DCSTAMP: variants seen among roughly 807,000 people sequenced by gnomAD.
The protein encoded by DCSTAMP is dendritic cell-specific transmembrane protein.
A neutral mutation model predicts 33.8 loss-of-function variants in DCSTAMP; 25 were observed. The observed-to-expected ratio is 0.74, with a 90% CI of 0.54 to 1.03. The LOEUF is 1.03. DCSTAMP is among the 50% of genes least tolerant of loss of function. The probability of loss-of-function intolerance (pLI) is 0.00; values close to 1 mark genes in which losing one functional copy is unlikely to be tolerated. For missense variants in DCSTAMP, 531 were observed against 556.8 expected, an observed-to-expected ratio of 0.95 and a Z score of 0.47; for synonymous variants, 245 against 216.7, an observed-to-expected ratio of 1.13 and a Z score of -1.15.
At chr8:104,344,808 A>G (rs1415269214) in intron 1 of DCSTAMP, among the ~76,000 whole-genome samples, 2 of 152,204 alleles carry the variant, frequency 1.3e-5, no homozygotes, top group Non-Finnish European at 2.9e-5. Context: ...AAAGAATTGA[A>G]ATATCTGAAG....
At chr8:104,355,724 G>A (rs1157437438) in intron 3 of DCSTAMP, among the ~76,000 whole-genome samples, 4 of 152,152 alleles carry the variant, frequency 2.6e-5, no homozygotes, top group African/African-American at 9.7e-5. Context: ...TTATTAATGA[G>A]GGAATGGTAA....
intron 2 of DCSTAMP, among the ~76,000 whole-genome samples, chr8:104,354,492 T>C (rs1810557871): frequency 1.3e-5 from 2 of 152,204 alleles, no homozygotes; most frequent in Non-Finnish European, 2.9e-5. Context: ...AAATGAGTTA[T>C]GTGATCAAAT....
chr8:104,352,271 C>T (rs1235723384), intron 2 of DCSTAMP, among the ~76,000 whole-genome samples: 1 of 152,204 alleles, frequency 6.6e-6, no homozygotes, highest in Non-Finnish European at 1.5e-5. Flanking sequence ...GGCTGCTTCT[C>T]AGAGTTGATT....
At position 104,350,427 on chromosome 8, in the gene DCSTAMP, G is replaced by A. The variant is rs941519922; in HGVS notation, c.1029+846G>A. Among the ~76,000 whole-genome samples, 6 of 152,278 alleles carry A rather than the reference G, an allele frequency of 3.9e-5. No homozygotes were observed. The Middle Eastern group carries it at 0.01, about 259-fold the overall frequency. ...TCTTGAGTCCTTATCAAATACAAGAGGGTTCCCAAGGCATCAGTGCAATGT... is the reference window on the plus strand; with the variant it reads ...TCTTGAGTCCTTATCAAATACAAGAAGGTTCCCAAGGCATCAGTGCAATGT... On this transcript the variant is annotated intron_variant, in intron 2 of 3. Transcript: ENST00000297581.
Position 104,349,406 on chromosome 8 carries a change from C to A in DCSTAMP, c.854C>A (p.Pro285Gln). 6.2e-7 allele frequency: 1 copy of A among 1,614,116 alleles called. No individual in the cohort carries two copies. Residue 285 changes from proline to glutamine, a missense_variant, in exon 2 of 4, where the codon CCG becomes CAG. Coordinates refer to ENST00000297581, the MANE Select transcript of DCSTAMP (RefSeq NM_030788.4). Reference sequence around the variant, plus strand: ...TATGTCATCATCCCGACTTTCTGGCCGACTCCTAAAGAAAGGAAAAACCTG... The same window carrying A: ...TATGTCATCATCCCGACTTTCTGGCAGACTCCTAAAGAAAGGAAAAACCTG... ...RKYVIIPTFW[P>Q]TPKERKNLGL...
At chr8:104,340,905 G>A (rs980021902) in intron 1 of DCSTAMP, among the ~76,000 whole-genome samples, 1 of 152,222 alleles carries the variant, frequency 6.6e-6, no homozygotes, top group Non-Finnish European at 1.5e-5. Context: ...CAGAGTGCTT[G>A]TCCGTTTGGG....
intron 1 of DCSTAMP, among the ~76,000 whole-genome samples, chr8:104,345,707 G>A (rs917498236): frequency 3.9e-5 from 6 of 152,180 alleles, no homozygotes; most frequent in African/African-American, 1.4e-4. Flanking sequence ...AAGGAAAAAT[G>A]AATCCAGAAT....
chr8:104,355,185 G>T lies in DCSTAMP; in HGVS notation c.1338G>T (p.Lys446Asn). 6.2e-7 allele frequency: 1 copy of T among 1,610,156 alleles called. No homozygotes were observed. Among genetic ancestry groups the T allele is most frequent in the Non-Finnish European group, 8.5e-7 (1 of 1,178,464 alleles). The change falls in exon 3 of 4, where the codon AAG (lysine) becomes AAT (asparagine). Residue 446 changes from lysine (K) to asparagine (N), a missense_variant and splice_region_variant. By Grantham distance (94) the Lys-to-Asn change is moderately conservative (BLOSUM62 0). Coordinates refer to ENST00000297581, the MANE Select transcript of DCSTAMP (RefSeq NM_030788.4). The stretch of plus-strand genomic sequence containing the variant: ...GACGGCTGAGTCTCTATCTTACAAA[G>T]GTAAGGCCAAGATGGTGGTGTAACC... ...VKRRLSLYLT[K>N]IHFWLPVLKM... is the part of the protein sequence containing the mutation.
intron 2 of DCSTAMP, among the ~76,000 whole-genome samples, chr8:104,353,533 C>T (rs1431867581): frequency 6.6e-6 from 1 of 152,238 alleles, no homozygotes; most frequent in African/African-American, 2.4e-5. Context: ...AAAAAGAGTT[C>T]ATGTCTTTGC....
intron 2 of DCSTAMP, among the ~76,000 whole-genome samples, chr8:104,353,856 C>T (rs1293832294): frequency 1.3e-5 from 2 of 152,224 alleles, no homozygotes; most frequent in Admixed American, 1.3e-4. Context: ...GTCTATAAGG[C>T]TAATGCTCCT....
chr8:104,354,602 G>A (rs770704441), intron 2 of DCSTAMP, among the ~76,000 whole-genome samples: 21 of 152,162 alleles, frequency 1.4e-4, no homozygotes, highest in Admixed American at 2.0e-4. Context: ...AGAAGGGATA[G>A]AGTAAAAAAA....
intron 1 of DCSTAMP, among the ~76,000 whole-genome samples, chr8:104,344,322 A>C (rs892050122): frequency 6.6e-6 from 1 of 152,012 alleles, no homozygotes; most frequent in Non-Finnish European, 1.5e-5. Context: ...ATCATAATTA[A>C]ATAAAATAAC....
At position 104,355,334 on chromosome 8, in the gene DCSTAMP, A is replaced by T. The variant is rs1810594141; in HGVS notation, c.1338+149A>T. 5.4e-6 allele frequency: 4 copies of T among 740,434 alleles called. No individual in the cohort carries two copies. The East Asian group carries it at 1.1e-4, about 20-fold the overall frequency. The allele number at this position is 740,434 out of a possible 1,614,324, so 45.9% of individuals were successfully genotyped here. ...GATAGGACATTGAGGAAAAATGAAC[A>T]AACGTACGTGGCTAGGACTCTTAAC... On this transcript the variant is annotated intron_variant, in intron 3 of 3. Coordinates refer to ENST00000297581, the MANE Select transcript of DCSTAMP (RefSeq NM_030788.4).
chr8:104,352,559 C>T lies in DCSTAMP; in HGVS notation c.1030-2318C>T, dbSNP rs540091070. Among the ~76,000 whole-genome samples the T allele has an allele frequency of 8.5e-5, 13 of 152,176 alleles. No homozygotes were observed. The East Asian group carries it at 1.4e-3, about 16-fold the overall frequency. Reference sequence around the variant, plus strand: ...TCATTTACTTCTCTCTCAGCAAGTACCCATGGCTGTGTTGTGAATTCTCAC... The same window carrying T: ...TCATTTACTTCTCTCTCAGCAAGTATCCATGGCTGTGTTGTGAATTCTCAC... On this transcript the variant is annotated intron_variant, in intron 2 of 3. Transcript: ENST00000297581.
At chr8:104,354,094 G>A (rs1810544278) in intron 2 of DCSTAMP, among the ~76,000 whole-genome samples, 1 of 152,174 alleles carries the variant, frequency 6.6e-6, no homozygotes, top group South Asian at 2.1e-4. Context: ...AGGGCAACTG[G>A]CTTATTCTCT....
intron 2 of DCSTAMP, among the ~76,000 whole-genome samples, chr8:104,352,653 A>G (rs1207987313): frequency 1.3e-5 from 2 of 152,092 alleles, no homozygotes; most frequent in Non-Finnish European, 2.9e-5. Flanking sequence ...TCCAATGACA[A>G]TGCCCTGACA....
In DCSTAMP at chr8:104,349,304, T is replaced by A. The variant is rs79659609; in HGVS notation, c.752T>A (p.Phe251Tyr). 1.9e-6 allele frequency: 3 copies of A among 1,614,032 alleles called. No individual in the cohort carries two copies. In the East Asian group the frequency reaches 6.7e-5, roughly 36 times the overall value. ...KYENIYITRQ[F>Y]VQFDERERHQ... ...GAAAACATCTACATCACCAGACAAT[T>A]TGTTCAGTTTGATGAAAGGGAGAGA... is the stretch of plus-strand genomic sequence containing the variant. The change falls in exon 2 of 4, where the codon TTT (phenylalanine) becomes TAT (tyrosine). Residue 251 changes from phenylalanine (F) to tyrosine (Y), a missense_variant. Physicochemically the swap from Phe to Tyr is conservative, Grantham distance 22. Coordinates refer to ENST00000297581, the MANE Select transcript of DCSTAMP (RefSeq NM_030788.4).
In DCSTAMP at chr8:104,348,767, T is replaced by C. The variant is rs745432249; in HGVS notation, c.215T>C (p.Leu72Pro). The C allele has an allele frequency of 4.3e-6, 7 of 1,614,130 alleles. No homozygotes were observed. Among genetic ancestry groups the C allele is most frequent in the African/African-American group, 2.7e-5 (2 of 74,948 alleles). Residue 72 changes from leucine to proline, a missense_variant, in exon 2 of 4, where the codon CTG (leucine) becomes CCG (proline). Physicochemically the swap from Leu to Pro is moderately conservative, Grantham distance 98. Transcript: ENST00000297581. Reference sequence around the variant, plus strand: ...TCCTGGATTATCACGTGTGTTCTGCTGTGTTGCTCCAAGCATGCACGATGT... The same window carrying C: ...TCCTGGATTATCACGTGTGTTCTGCCGTGTTGCTCCAAGCATGCACGATGT... Reference protein sequence around the residue: ...AASWIITCVLLCCSKHARCFI... With the variant: ...AASWIITCVLPCCSKHARCFI...
chr8:104,355,209 C>A (rs766944455), intron 3 of DCSTAMP, 24 bp downstream of exon 3: 2 of 1,583,908 alleles, frequency 1.3e-6, no homozygotes, highest in African/African-American at 1.4e-5. Flanking sequence ...GGTGGTGTAA[C>A]CTCCAATTGA....
Sources: gnomAD v4.1 joint callset for allele counts (sites outside exome capture counted in the v4.1 genomes callset) on GRCh38, gnomAD v4.1.1 for gene constraint, MANE v1.5 for transcripts, NCBI Gene and HGNC (gene_info 2026-07-23, HGNC 2026-07-21) for gene names.